The following PPP2R5C variants were observed in gnomAD, a reference collection of about 807,000 sequenced individuals.
The protein encoded by PPP2R5C is protein phosphatase 2 regulatory subunit B'gamma, also known as serine/threonine-protein phosphatase 2A 56 kDa regulatory subunit gamma isoform.
Under a neutral mutation model 68.9 loss-of-function variants are expected in PPP2R5C, and 7 were observed. The observed-to-expected ratio is 0.10, with a 90% CI of 0.06 to 0.19. The LOEUF (loss-of-function observed/expected upper bound fraction) is 0.19. Among genes scored for constraint, PPP2R5C ranks in the 10% least tolerant of loss-of-function variants. The pLI is 1.00. For synonymous variants in PPP2R5C, 210 were observed against 222.2 expected (o/e 0.95, Z 0.49); for missense variants, 348 against 641.3 (o/e 0.54, Z 4.94).
At chr14:101,909,891 C>T (rs1566962873) in intron 11 of PPP2R5C, among the ~76,000 whole-genome samples, 1 of 152,210 alleles carries the variant, frequency 6.6e-6, no homozygotes. Flanking sequence ...ATTCTCCCCC[C>T]TTGTATTGCC....
intron 1 of PPP2R5C, among the ~76,000 whole-genome samples, chr14:101,816,865 TTTA>T (rs2039706402): frequency 7.1e-6 from 1 of 140,492 alleles, no homozygotes; most frequent in Non-Finnish European, 1.5e-5. Context: ...AATATATATA[TTTA>T]TTTATATATA....
intron 7 of PPP2R5C, among the ~76,000 whole-genome samples, chr14:101,893,918 G>T (rs916757100): frequency 1.3e-5 from 2 of 152,144 alleles, no homozygotes; most frequent in Admixed American, 1.3e-4. Flanking sequence ...GTTCACTTCC[G>T]GCTGTCACAG....
intron 2 of PPP2R5C, among the ~76,000 whole-genome samples, chr14:101,764,801 C>CTTTT (rs34973768): frequency 1.0e-4 from 13 of 129,366 alleles, no homozygotes; most frequent in African/African-American, 3.8e-4. Context: ...TGCTATATGC[C>CTTTT]TTTTTTTTTT....
At chr14:101,774,666 A>C (rs745656054) in intron 2 of PPP2R5C, among the ~76,000 whole-genome samples, 1 of 152,128 alleles carries the variant, frequency 6.6e-6, no homozygotes, top group Non-Finnish European at 1.5e-5. Flanking sequence ...TCTTTTTATT[A>C]CTGGAGGTCG....
chr14:101,760,981 AGGG>A (rs2036482276), upstream of PPP2R5C, among the ~76,000 whole-genome samples: 1 of 64,588 alleles, frequency 1.5e-5, no homozygotes, highest in African/African-American at 6.0e-5. Flanking sequence ...AGGGGAGGGG[AGGG>A]CAGGGGACGG....
At chr14:101,798,357 T>C (rs1400388122) in intron 3 of PPP2R5C, among the ~76,000 whole-genome samples, 1 of 152,192 alleles carries the variant, frequency 6.6e-6, no homozygotes, top group African/African-American at 2.4e-5. Flanking sequence ...AAATGAAAAT[T>C]TGAAAGTTTT....
In PPP2R5C at chr14:101,902,654, G is replaced by A. The variant is rs567955190; in HGVS notation, c.1023+765G>A. On this transcript the variant is annotated intron_variant, in intron 9 of 13. Coordinates refer to ENST00000334743, the Ensembl canonical transcript of PPP2R5C. ...TCACACCACCACCTTACAGCCAAAC[G>A]TGAAGGGCCAGGTGGCGTGTGCAGC... is the stretch of plus-strand genomic sequence containing the variant. 6.6e-5 allele frequency among the ~76,000 whole-genome samples: 10 copies of A among 152,336 alleles called. No individual in the cohort carries two copies. The South Asian group carries it at 1.2e-3, about 19-fold the overall frequency.
At chr14:101,856,048 G>A (rs2140563360) in intron 1 of PPP2R5C, among the ~76,000 whole-genome samples, 1 of 152,302 alleles carries the variant, frequency 6.6e-6, no homozygotes, top group Non-Finnish European at 1.5e-5. Context: ...CCAGGATGAG[G>A]GAAATGCAGT....
chr14:101,858,193 G>T (rs891935613), intron 2 of PPP2R5C, among the ~76,000 whole-genome samples: 1 of 152,114 alleles, frequency 6.6e-6, no homozygotes, highest in African/African-American at 2.4e-5. Flanking sequence ...GACACTTGGG[G>T]AATAGCTTTT....
chr14:101,838,220 C>T (rs2041241158), intron 1 of PPP2R5C, among the ~76,000 whole-genome samples: 2 of 152,008 alleles, frequency 1.3e-5, no homozygotes, highest in African/African-American at 2.4e-5. Flanking sequence ...AGCGATGAAG[C>T]GGGGAGAGTA....
At chr14:101,925,363 C>T (rs1428830874) in exon 14 of PPP2R5C, 6 of 1,519,686 alleles carry the variant, frequency 3.9e-6, no homozygotes, top group South Asian at 2.5e-5. Flanking sequence ...CAATCAGTTA[C>T]ACTCAAAGCT....
At chr14:101,853,139 G>A (rs1344969981) in intron 1 of PPP2R5C, among the ~76,000 whole-genome samples, 1 of 151,958 alleles carries the variant, frequency 6.6e-6, no homozygotes, top group Non-Finnish European at 1.5e-5. Flanking sequence ...TGATGAAGAA[G>A]TTGTTAAATT....
chr14:101,786,334 A>T lies in PPP2R5C; in HGVS notation c.259+151A>T, dbSNP rs189515829. 6.7e-4 allele frequency among the ~76,000 whole-genome samples: 102 copies of T among 151,164 alleles called. 3 individuals carry two copies. Among genetic ancestry groups the T allele is most frequent in the Admixed American group, 6.2e-3 (94 of 15,204 alleles). ...AGGGGTTTTTTTTTTTTTAGGTTGAATGTCATTAACTTACTTACTCAATTA... is the reference window on the plus strand; with the variant it reads ...AGGGGTTTTTTTTTTTTTAGGTTGATTGTCATTAACTTACTTACTCAATTA... On this transcript the variant is annotated intron_variant, in intron 3 of 14. Transcript: ENST00000328724.
intron 1 of PPP2R5C, among the ~76,000 whole-genome samples, chr14:101,816,437 T>C (rs1412667148): frequency 6.6e-6 from 1 of 152,198 alleles, no homozygotes; most frequent in Non-Finnish European, 1.5e-5. Context: ...AAAACTCTTC[T>C]AGTTTAAAAA....
At chr14:101,927,109 G>A (rs917029901) in exon 14 of PPP2R5C, 7 of 151,950 alleles carry the variant, frequency 4.6e-5, no homozygotes, top group East Asian at 1.9e-4. Flanking sequence ...TTGAACTTCC[G>A]TCTTTAGCTG....
intron 8 of PPP2R5C, among the ~76,000 whole-genome samples, 166 bp downstream of exon 10, chr14:101,894,726 T>A (rs948673514): frequency 1.5e-4 from 23 of 152,242 alleles, no homozygotes; most frequent in Non-Finnish European, 2.8e-4. Context: ...TTTCAAAGTA[T>A]AGTCATTTTA....
At chr14:101,809,433 C>T (rs1012907315), upstream of PPP2R5C, among the ~76,000 whole-genome samples, 3 of 151,026 alleles carry the variant, frequency 2.0e-5, no homozygotes, top group East Asian at 1.9e-4. Flanking sequence ...TTGCCAGAAT[C>T]CTACCTAAGA....
At chr14:101,921,227 C>T in intron 13 of PPP2R5C, 1 of 229,648 alleles carries the variant, frequency 4.4e-6, no homozygotes, top group African/African-American at 2.4e-5. Flanking sequence ...CCACACTCAG[C>T]TGATTTTTGT....
At chr14:101,887,743 GCCCAGCTT>G (rs1429702197) in intron 5 of PPP2R5C, among the ~76,000 whole-genome samples, 1 of 152,172 alleles carries the variant, frequency 6.6e-6, no homozygotes, top group Non-Finnish European at 1.5e-5. Context: ...CACAAGGACA[GCCCAGCTT>G]CAGAGGAAGG....
Sources: allele counts gnomAD v4.1 joint callset (sites outside exome capture counted in the v4.1 genomes callset), GRCh38; gene constraint gnomAD v4.1.1; transcripts MANE v1.5; gene names NCBI Gene and HGNC (gene_info 2026-07-23, HGNC 2026-07-21).